Variants in ADAMTS3 observed in about 807,000 individuals in gnomAD.
ADAMTS3 encodes the protein A disintegrin and metalloproteinase with thrombospondin motifs 3.
Under a neutral mutation model 129.0 loss-of-function variants are expected in ADAMTS3, and 73 were observed. That is an observed-to-expected ratio of 0.57 (90% CI 0.47 to 0.69). ADAMTS3 has a LOEUF of 0.69. Ranked by LOEUF, ADAMTS3 falls within the 30% of genes least tolerant of loss-of-function variation. The pLI is 0.00. For missense variants in ADAMTS3, 1,457 were observed against 1,514.5 expected (o/e 0.96, Z 0.63); for synonymous variants, 477 against 510.8 (o/e 0.93, Z 0.89).
intron 3 of ADAMTS3, among the ~76,000 whole-genome samples, chr4:72,511,937 A>T (rs947900987): frequency 1.3e-5 from 2 of 152,226 alleles, no homozygotes; most frequent in Non-Finnish European, 1.5e-5. Context: ...AGTTATAAAA[A>T]AGAACGAGAG....
intron 19 of ADAMTS3, among the ~76,000 whole-genome samples, chr4:72,294,904 C>T (rs772285595): frequency 6.6e-6 from 1 of 151,756 alleles, no homozygotes; most frequent in Non-Finnish European, 1.5e-5. Flanking sequence ...GAAAGGAAAC[C>T]CTAGGATGAA....
intron 3 of ADAMTS3, among the ~76,000 whole-genome samples, chr4:72,533,677 A>ATAGATACATATATATGTATG (rs1721111435): frequency 3.5e-5 from 1 of 28,968 alleles, no homozygotes. Context: ...ATGCACATAT[A>ATAGATACATATATATGTATG]TGCACACATG....
intron 3 of ADAMTS3, among the ~76,000 whole-genome samples, chr4:72,417,695 C>A (rs981557266): frequency 1.3e-5 from 2 of 151,812 alleles, no homozygotes; most frequent in South Asian, 4.2e-4. Flanking sequence ...TTTTGGGACG[C>A]CGAGATGGGC....
chr4:72,497,299 T>A (rs1719896209), intron 3 of ADAMTS3, among the ~76,000 whole-genome samples: 1 of 151,986 alleles, frequency 6.6e-6, no homozygotes, highest in Non-Finnish European at 1.5e-5. Context: ...ATATTTTATA[T>A]CGTGATCAAA....
chr4:72,520,451 C>T (rs1457839001), intron 3 of ADAMTS3, among the ~76,000 whole-genome samples: 1 of 152,226 alleles, frequency 6.6e-6, no homozygotes, highest in African/African-American at 2.4e-5. Context: ...GAGGTGGAGC[C>T]TACACAGACA....
chr4:72,288,949 C>CACAT lies in ADAMTS3; in HGVS notation c.2932-82_2932-81insATGT. ...ACACACACACACACACACACACACA[C>CACAT]ACACACACACACACACACAAAGACA... On this transcript the variant is annotated intron_variant, in intron 20 of 21. Coordinates refer to ENST00000286657, the MANE Select transcript of ADAMTS3 (RefSeq NM_014243.3). 4 of 751,732 alleles carry CACAT rather than the reference C, an allele frequency of 5.3e-6. No homozygotes were observed. In the East Asian group the frequency reaches 1.0e-4, roughly 19 times the overall value. The allele number at this position is 751,732 out of a possible 1,614,324, so 46.6% of individuals were successfully genotyped here.
At chr4:72,402,493 T>C (rs551318817) in intron 4 of ADAMTS3, among the ~76,000 whole-genome samples, 38 of 152,298 alleles carry the variant, frequency 2.5e-4, no homozygotes, top group Admixed American at 1.1e-3. Flanking sequence ...TTTGAAGGCA[T>C]AAAATATAAA....
chr4:72,515,294 A>C (rs1720435990), intron 3 of ADAMTS3, among the ~76,000 whole-genome samples: 1 of 151,182 alleles, frequency 6.6e-6, no homozygotes, highest in East Asian at 2.0e-4. Flanking sequence ...CGCAATAAAC[A>C]TACATGTGCA....
intron 3 of ADAMTS3, among the ~76,000 whole-genome samples, chr4:72,450,497 A>G (rs963498089): frequency 2.6e-5 from 4 of 151,716 alleles, no homozygotes; most frequent in Admixed American, 6.6e-5. Context: ...CCAAATTATC[A>G]TTCTTTGCTC....
chr4:72,425,104 A>T (rs769672723), intron 3 of ADAMTS3, among the ~76,000 whole-genome samples: 3 of 152,158 alleles, frequency 2.0e-5, no homozygotes, highest in Non-Finnish European at 4.4e-5. Context: ...GAAATTTGTG[A>T]ATTATGGGAT....
chr4:72,528,019 T>C (rs1325818468), intron 3 of ADAMTS3, among the ~76,000 whole-genome samples: 4 of 152,152 alleles, frequency 2.6e-5, no homozygotes. Context: ...ACCACTCTCA[T>C]GGAATTTCCA....
At chr4:72,488,039 T>G (rs903272318) in intron 3 of ADAMTS3, among the ~76,000 whole-genome samples, 6 of 151,996 alleles carry the variant, frequency 3.9e-5, no homozygotes, top group African/African-American at 1.2e-4. Flanking sequence ...GTCCATAAAT[T>G]TCTATGCATA....
In ADAMTS3 at chr4:72,283,473, G is replaced by A. The variant is rs1718411663; in HGVS notation, c.3281C>T (p.Ser1094Leu). 1.2e-6 allele frequency: 2 copies of A among 1,614,056 alleles called. No individual in the cohort carries two copies. Among genetic ancestry groups the A allele is most frequent in the African/African-American group, 2.7e-5 (2 of 75,024 alleles). The part of the protein sequence containing the change: ...VMPTSLVPYH[S>L]ETPAKKMSLS... ...AGACATCTTCTTTGCAGGGGTCTCT[G>A]AATGATAAGGAACCAAAGATGTAGG... is the stretch of plus-strand genomic sequence containing the variant. Residue 1094 changes from serine (S) to leucine (L), a missense_variant, in exon 22 of 22, where the codon TCA (serine) becomes TTA (leucine). Transcript: ENST00000286657.
At chr4:72,458,075 C>T (rs1283824588) in intron 3 of ADAMTS3, among the ~76,000 whole-genome samples, 1 of 151,542 alleles carries the variant, frequency 6.6e-6, no homozygotes, top group Non-Finnish European at 1.5e-5. Context: ...CTGAGCGCAT[C>T]TAGAGCTGGT....
At chr4:72,287,477 G>A (rs555117647) in intron 21 of ADAMTS3, among the ~76,000 whole-genome samples, 34 of 150,796 alleles carry the variant, frequency 2.3e-4, no homozygotes, top group African/African-American at 6.8e-4. Flanking sequence ...GGGAGAGAAA[G>A]GGAGACAGAC....
At chr4:72,347,829 T>C (rs1720328125) in intron 4 of ADAMTS3, among the ~76,000 whole-genome samples, 1 of 151,804 alleles carries the variant, frequency 6.6e-6, no homozygotes, top group South Asian at 2.1e-4. Context: ...GAAATTAAGG[T>C]TTTCTAAATA....
chr4:72,429,620 A>T (rs577392826), intron 3 of ADAMTS3, among the ~76,000 whole-genome samples: 55 of 152,176 alleles, frequency 3.6e-4, no homozygotes, highest in South Asian at 1.5e-3. Context: ...TAAAGCTAGG[A>T]TTATGCATTA....
intron 5 of ADAMTS3, among the ~76,000 whole-genome samples, chr4:72,329,572 G>A (rs1301549494): frequency 2.0e-5 from 3 of 151,968 alleles, no homozygotes; most frequent in Non-Finnish European, 4.4e-5. Context: ...TTCTCTTTTC[G>A]CAAATACCTT....
intron 3 of ADAMTS3, among the ~76,000 whole-genome samples, chr4:72,500,610 T>G (rs1320016359): frequency 5.9e-5 from 9 of 152,146 alleles, no homozygotes; most frequent in Admixed American, 5.9e-4. Flanking sequence ...GAAAAGCTCT[T>G]TAGTTTAATT....
Sources: allele counts gnomAD v4.1 joint callset (sites outside exome capture counted in the v4.1 genomes callset), GRCh38; gene constraint gnomAD v4.1.1; transcripts MANE v1.5; gene names NCBI Gene and HGNC (gene_info 2026-07-23, HGNC 2026-07-21).